ORC4: variants seen among roughly 807,000 people sequenced by gnomAD.
The protein encoded by ORC4 is origin recognition complex subunit 4, also known as origin recognition complex, subunit 4 homolog.
In ORC4, 55 loss-of-function variants were observed where a neutral mutation model predicts 63.9. That is an observed-to-expected ratio of 0.86 (90% CI 0.69 to 1.08). The LOEUF (loss-of-function observed/expected upper bound fraction) is 1.08, where lower values mean the gene tolerates loss of function less well. ORC4 is among the 50% of genes least tolerant of loss of function. ORC4 has a pLI of 0.00. For synonymous variants in ORC4, 150 were observed against 168.5 expected (o/e 0.89, Z 0.85); for missense variants, 511 against 504.4 (o/e 1.01, Z -0.13).
intron 1 of ORC4, among the ~76,000 whole-genome samples, chr2:148,017,957 A>C (rs761797724): frequency 2.6e-5 from 4 of 152,232 alleles, no homozygotes; most frequent in Non-Finnish European, 5.9e-5. Flanking sequence ...ATACAATTCA[A>C]AGAACAATGA....
intron 4 of ORC4, among the ~76,000 whole-genome samples, chr2:147,968,817 G>A (rs1456572300): frequency 6.6e-6 from 1 of 151,886 alleles, no homozygotes; most frequent in African/African-American, 2.4e-5. Context: ...TTACATCAGA[G>A]AGACATCTGC....
intron 4 of ORC4, among the ~76,000 whole-genome samples, chr2:147,962,023 T>C (rs2105323953): frequency 6.6e-6 from 1 of 152,246 alleles, no homozygotes; most frequent in Non-Finnish European, 1.5e-5. Context: ...AAGATTTGAC[T>C]GGCGTGTTGA....
At chr2:147,975,870 A>C (rs537530041) in intron 2 of ORC4, 32 bp downstream of exon 2, 13 of 1,262,308 alleles carry the variant, frequency 1.0e-5, no homozygotes, top group African/African-American at 4.4e-5. Flanking sequence ...ACAGGGTAAA[A>C]TATCTTGAGA....
intron 1 of ORC4, among the ~76,000 whole-genome samples, chr2:148,012,344 T>G (rs998877912): frequency 6.6e-6 from 1 of 152,174 alleles, no homozygotes; most frequent in East Asian, 1.9e-4. Context: ...AAAACACTCA[T>G]TGGGAAAGGA....
At chr2:147,960,344 T>C (rs1326148411) in intron 4 of ORC4, 2 of 978,230 alleles carry the variant, frequency 2.0e-6, no homozygotes, top group Non-Finnish European at 2.4e-6. Flanking sequence ...AGTCTTCAAA[T>C]AATGTTAGTT....
chr2:148,007,692 G>A (rs948788782), intron 1 of ORC4, among the ~76,000 whole-genome samples: 1 of 152,018 alleles, frequency 6.6e-6, no homozygotes, highest in African/African-American at 2.4e-5. Context: ...CAAACTGAGA[G>A]AAAGATATGA....
At chr2:148,007,005 A>G (rs887221221) in intron 1 of ORC4, among the ~76,000 whole-genome samples, 2 of 152,228 alleles carry the variant, frequency 1.3e-5, no homozygotes, top group African/African-American at 2.4e-5. Context: ...TATCTTCCCA[A>G]GTCCATCAGG....
intron 1 of ORC4, among the ~76,000 whole-genome samples, chr2:147,984,552 C>A (rs985795484): frequency 6.6e-6 from 1 of 152,120 alleles, no homozygotes. Flanking sequence ...CGACCCCTAA[C>A]CCTTACATTG....
At chr2:148,014,913 C>T (rs1693174808) in intron 1 of ORC4, among the ~76,000 whole-genome samples, 1 of 152,024 alleles carries the variant, frequency 6.6e-6, no homozygotes, top group African/African-American at 2.4e-5. Flanking sequence ...CCAGCAGATA[C>T]TAAGGAGCAA....
intron 1 of ORC4, among the ~76,000 whole-genome samples, chr2:148,011,648 G>C (rs1316570437): frequency 6.6e-6 from 1 of 152,140 alleles, no homozygotes; most frequent in Non-Finnish European, 1.5e-5. Flanking sequence ...GAAATAAAGG[G>C]CATTTAAATT....
intron 1 of ORC4, among the ~76,000 whole-genome samples, chr2:147,981,242 A>G (rs957933414): frequency 2.0e-5 from 3 of 152,104 alleles, no homozygotes; most frequent in African/African-American, 7.2e-5. Flanking sequence ...TCTATATACT[A>G]TGTTCTTTTA....
At chr2:147,967,219 C>A (rs965260458) in intron 4 of ORC4, among the ~76,000 whole-genome samples, 2 of 151,816 alleles carry the variant, frequency 1.3e-5, no homozygotes, top group Non-Finnish European at 2.9e-5. Flanking sequence ...AAACCCAAAA[C>A]CAACATCACA....
At chr2:147,973,405 C>T (rs1430088986) in intron 3 of ORC4, 43 bp downstream of exon 3, 2 of 1,168,342 alleles carry the variant, frequency 1.7e-6, no homozygotes, top group Non-Finnish European at 1.3e-6. Flanking sequence ...TGGAAGGCAT[C>T]TGTAAGTAGG....
intron 2 of ORC4, among the ~76,000 whole-genome samples, chr2:147,974,634 C>CAA (rs1452249161): frequency 1.9e-5 from 2 of 104,306 alleles, no homozygotes; most frequent in East Asian, 5.3e-4. Flanking sequence ...GACTTGGTCT[C>CAA]AAAAAAAAAA....
At chr2:147,955,221 C>CT (rs1689180131) in intron 7 of ORC4, 126 bp downstream of exon 7, 1 of 662,816 alleles carries the variant, frequency 1.5e-6, no homozygotes, top group African/African-American at 1.9e-5. Flanking sequence ...ACATTGTATT[C>CT]TTTTTAATGT....
At chr2:147,947,845 G>A in intron 9 of ORC4, 1 of 465,836 alleles carries the variant, frequency 2.1e-6, no homozygotes, top group Admixed American at 3.6e-5. Flanking sequence ...TAACTGTGAT[G>A]TTCTTTTGAG....
chr2:147,981,785 T>A (rs1573838553), intron 1 of ORC4: 1 of 152,344 alleles, frequency 6.6e-6, no homozygotes, highest in African/African-American at 2.4e-5. Context: ...AAATAAGTTG[T>A]ACTCTTATGA....
intron 1 of ORC4, among the ~76,000 whole-genome samples, chr2:148,003,776 G>C: frequency 6.6e-6 from 1 of 152,204 alleles, no homozygotes; most frequent in East Asian, 1.9e-4. Flanking sequence ...TCAGGCAAGA[G>C]AAAGAAATAA....
At position 147,931,935 on chromosome 2, in the gene ORC4, T is replaced by C. The variant is rs1373190782; in HGVS notation, c.*3575A>G. ...CCTCTCTCACCACTCGTATTCAACA[T>C]AGTGTTGGAAGTTCTGGCCAGGGCA... On this transcript the variant is annotated 3_prime_UTR_variant, in exon 14 of 14. Coordinates refer to ENST00000392857, the MANE Select transcript of ORC4 (RefSeq NM_181741.4). 6.6e-6 allele frequency: 1 copy of C among 151,716 alleles called. No homozygotes were observed. Among genetic ancestry groups the C allele is most frequent in the Non-Finnish European group, 1.5e-5 (1 of 67,932 alleles). 9.4% of individuals were successfully genotyped at this position (151,716 alleles called of 1,614,324 possible).
Sources: gnomAD v4.1 joint callset for allele counts (sites outside exome capture counted in the v4.1 genomes callset) on GRCh38, gnomAD v4.1.1 for gene constraint, MANE v1.5 for transcripts, NCBI Gene and HGNC (gene_info 2026-07-23, HGNC 2026-07-21) for gene names.